The following TAC4 variants were observed in gnomAD, a reference collection of about 807,000 sequenced individuals.
TAC4 encodes the protein tachykinin precursor 4.
In TAC4, 17 loss-of-function variants were observed where a neutral mutation model predicts 17.7. The ratio of observed to expected loss-of-function variants is 0.96; its 90% CI spans 0.66 to 1.44. The LOEUF is 1.44. Among genes scored for constraint, TAC4 ranks in the 40% most tolerant of loss-of-function variants. TAC4 has a pLI of 0.00. For synonymous variants in TAC4, 62 were observed against 52.4 expected (o/e 1.18, Z -0.79); for missense variants, 118 against 125.6 (o/e 0.94, Z 0.29).
chr17:49,839,777 C>G, intron 4 of TAC4, 73 bp downstream of exon 4: 1 of 1,434,280 alleles, frequency 7.0e-7, no homozygotes, highest in Non-Finnish European at 9.6e-7. Context: ...CAGCCCCCAT[C>G]TTGCAGACTG....
intron 1 of TAC4, chr17:49,846,861 G>T: frequency 1.0e-6 from 1 of 958,712 alleles, no homozygotes; most frequent in African/African-American, 1.7e-5. Flanking sequence ...CTGATGTTTG[G>T]CACTGACTAT....
At chr17:49,847,071 C>T (rs982837145) in intron 1 of TAC4, 1 of 1,290,130 alleles carries the variant, frequency 7.8e-7, no homozygotes, top group South Asian at 1.2e-5. Context: ...CATGTGATGG[C>T]TCTTCCCGTG....
intron 2 of TAC4, among the ~76,000 whole-genome samples, chr17:49,843,169 C>T (rs560394103): frequency 4.6e-5 from 7 of 152,286 alleles, no homozygotes; most frequent in African/African-American, 7.2e-5. Flanking sequence ...ACGTGTCCTC[C>T]AAATAGACAG....
chr17:49,844,179 G>A, intron 1 of TAC4, 22 bp from the exon 2 acceptor site: 3 of 1,612,452 alleles, frequency 1.9e-6, no homozygotes, highest in Non-Finnish European at 2.5e-6. Flanking sequence ...GAGAGTTAGT[G>A]TTAGAGTTGG....
In TAC4 at chr17:49,841,594, G is replaced by C; in HGVS notation, c.200-10C>G. 6.4e-7 allele frequency: 1 copy of C among 1,557,808 alleles called. No homozygotes were observed. The highest frequency in any genetic ancestry group is 1.2e-5 in the South Asian group (1 of 85,602). ...TGGATCAGAGGTCTTCCTGGGGGAA[G>C]GAGAAGGAATGAGGACTACGGACTG... On this transcript the variant is annotated splice_polypyrimidine_tract_variant and intron_variant, in intron 2 of 4. Coordinates refer to ENST00000436235, the MANE Select transcript of TAC4 (RefSeq NM_001077506.2).
intron 1 of TAC4, among the ~76,000 whole-genome samples, chr17:49,846,705 A>G (rs1040071339): frequency 1.3e-5 from 2 of 152,244 alleles, no homozygotes. Flanking sequence ...GGAGAGTGAA[A>G]GGAGAGTAAG....
At chr17:49,841,457 A>G in intron 3 of TAC4, 95 bp downstream of exon 3, 1 of 1,343,912 alleles carries the variant, frequency 7.4e-7, no homozygotes, top group Non-Finnish European at 1.0e-6. Context: ...GCCCCTGGCC[A>G]GAGCATCTCC....
chr17:49,847,558 TGAG>T (rs917567462), intron 1 of TAC4: 4 of 345,380 alleles, frequency 1.2e-5, no homozygotes, highest in African/African-American at 4.3e-5. Flanking sequence ...ATTTGTGAAA[TGAG>T]GGGTAGTCAT....
chr17:49,839,157 T>G (rs1427132082), intron 4 of TAC4, among the ~76,000 whole-genome samples: 1 of 152,182 alleles, frequency 6.6e-6, no homozygotes, highest in Admixed American at 6.5e-5. Context: ...CAGGTGTTCT[T>G]TCAGGGGTGC....
At chr17:49,846,539 A>G (rs2074541760) in intron 1 of TAC4, among the ~76,000 whole-genome samples, 1 of 152,110 alleles carries the variant, frequency 6.6e-6, no homozygotes, top group Non-Finnish European at 1.5e-5. Context: ...TGCCTCCCAA[A>G]GTGCTGGGAT....
chr17:49,841,097 G>A (rs1221508402), intron 3 of TAC4, among the ~76,000 whole-genome samples: 1 of 151,474 alleles, frequency 6.6e-6, no homozygotes, highest in Non-Finnish European at 1.5e-5. Context: ...TGTTGGCCAG[G>A]CTGGTCTCGA....
chr17:49,840,126 C>T, intron 3 of TAC4, among the ~76,000 whole-genome samples: 1 of 152,236 alleles, frequency 6.6e-6, no homozygotes, highest in Non-Finnish European at 1.5e-5. Flanking sequence ...TCCTCCCCCT[C>T]CTCCATTCTC....
chr17:49,842,856 C>A (rs571487739), intron 2 of TAC4, among the ~76,000 whole-genome samples: 1 of 152,302 alleles, frequency 6.6e-6, no homozygotes, highest in East Asian at 1.9e-4. Flanking sequence ...AACAAGTAGG[C>A]TCCTCTTGAA....
At chr17:49,846,195 A>G in intron 1 of TAC4, 18 of 1,288,726 alleles carry the variant, frequency 1.4e-5, no homozygotes, top group Non-Finnish European at 1.8e-5. Flanking sequence ...CCAAATCCCC[A>G]ACTCCAGGGA....
In TAC4 at chr17:49,839,908, T is replaced by C. The variant is rs367833852; in HGVS notation, c.234A>G (p.Ala78=). 7.4e-6 allele frequency: 12 copies of C among 1,611,446 alleles called. No individual in the cohort carries two copies. Among genetic ancestry groups the C allele is most frequent in the Middle Eastern group, 1.6e-4 (1 of 6,080 alleles). ...RPLIQPRRKK[A]YQLEHTFQGL... ...CCTGGAACGTGTGTTCCAGCTGATATGCTGGTGGTGGGAGAGAGAAGTGGT... is the reference window on the plus strand; with the variant it reads ...CCTGGAACGTGTGTTCCAGCTGATACGCTGGTGGTGGGAGAGAGAAGTGGT... Residue 78 remains alanine (A), a splice_region_variant and synonymous_variant, in exon 4 of 5, where the codon GCA becomes GCG. Coordinates refer to ENST00000436235, the MANE Select transcript of TAC4 (RefSeq NM_001077506.2).
In TAC4 at chr17:49,838,374, GC is replaced by G. The variant is rs2074472011; in HGVS notation, c.*267del. ...TACAGAGTGTGCGAGTCTCCTCACTGCTGTGCAGTGAGATGCCAACTCTGAG... is the reference window on the plus strand; with the variant it reads ...TACAGAGTGTGCGAGTCTCCTCACTGTGTGCAGTGAGATGCCAACTCTGAG... On this transcript the variant is annotated 3_prime_UTR_variant, in exon 5 of 5. Coordinates refer to ENST00000436235, the MANE Select transcript of TAC4 (RefSeq NM_001077506.2). 1 of 565,394 alleles carries G rather than the reference GC, an allele frequency of 1.8e-6. No homozygotes were observed. The highest frequency in any genetic ancestry group is 1.9e-5 in the African/African-American group (1 of 52,676). The allele number at this position is 565,394 out of a possible 1,614,324, so 35.0% of individuals were successfully genotyped here. A position where few individuals can be genotyped will look rare whatever the true frequency, so the allele number is the denominator to read the frequency against.
intron 3 of TAC4, among the ~76,000 whole-genome samples, chr17:49,840,602 A>G (rs2074490015): frequency 2.6e-5 from 4 of 152,040 alleles, no homozygotes; most frequent in African/African-American, 9.7e-5. Context: ...TCCCGGGTTC[A>G]AGCGATTCTC....
At chr17:49,845,296 C>G (rs1414176836) in intron 1 of TAC4, among the ~76,000 whole-genome samples, 1 of 152,244 alleles carries the variant, frequency 6.6e-6, no homozygotes, top group Non-Finnish European at 1.5e-5. Flanking sequence ...CAACCAAGGA[C>G]TGTGGATTGA....
intron 1 of TAC4, 129 bp downstream of exon 1, chr17:49,847,784 A>G (rs1343355326): frequency 6.5e-7 from 1 of 1,535,404 alleles, no homozygotes; most frequent in Non-Finnish European, 8.9e-7. Flanking sequence ...GTAGAGAGTC[A>G]GACAACTTGC....
Sources: gnomAD v4.1 joint callset for allele counts (sites outside exome capture counted in the v4.1 genomes callset) on GRCh38, gnomAD v4.1.1 for gene constraint, MANE v1.5 for transcripts, NCBI Gene and HGNC (gene_info 2026-07-23, HGNC 2026-07-21) for gene names.